The following GRIP2 variants were observed in gnomAD, a reference collection of about 807,000 sequenced individuals.
The protein encoded by GRIP2 is glutamate receptor interacting protein 2.
A neutral mutation model predicts 108.3 loss-of-function variants in GRIP2; 58 were observed. That is an observed-to-expected ratio of 0.54 (90% CI 0.43 to 0.67). The LOEUF (loss-of-function observed/expected upper bound fraction) is 0.67. GRIP2 is among the 30% of genes least tolerant of loss of function. The pLI, the probability that GRIP2 is intolerant of heterozygous loss-of-function variation, is 0.00. For missense variants in GRIP2, 1,278 were observed against 1,430.6 expected (o/e 0.89, Z 1.72); for synonymous variants, 586 against 598.2 (o/e 0.98, Z 0.30).
chr3:14,601,258 T>C, the GRIP2 span, among the ~76,000 whole-genome samples: 1 of 152,164 alleles, frequency 6.6e-6, no homozygotes, highest in South Asian at 2.1e-4. Flanking sequence ...CCCACCCCTT[T>C]AAAGAGGCAG....
At chr3:14,524,579 G>T in intron 3 of GRIP2, 41 bp from the exon 4 acceptor site, 1 of 1,540,824 alleles carries the variant, frequency 6.5e-7, no homozygotes, top group Non-Finnish European at 8.8e-7. Flanking sequence ...AACAGGTGCT[G>T]GCCCATGCAG....
At chr3:14,578,003 T>C in the GRIP2 span, among the ~76,000 whole-genome samples, 1 of 152,216 alleles carries the variant, frequency 6.6e-6, no homozygotes, top group Non-Finnish European at 1.5e-5. Flanking sequence ...TGGCTCAGCC[T>C]TCAGGCTGGT....
At chr3:14,577,772 G>A in the GRIP2 span, among the ~76,000 whole-genome samples, 1 of 152,088 alleles carries the variant, frequency 6.6e-6, no homozygotes, top group East Asian at 1.9e-4. Context: ...AGGTGCATGT[G>A]AGGCTGGGGG....
At chr3:14,500,341 C>T (rs1693732627) in intron 21 of GRIP2, among the ~76,000 whole-genome samples, 1 of 152,178 alleles carries the variant, frequency 6.6e-6, no homozygotes, top group Non-Finnish European at 1.5e-5. Flanking sequence ...AACACCATGA[C>T]TAGGAATTTT....
chr3:14,593,302 G>T, the GRIP2 span, among the ~76,000 whole-genome samples: 1 of 152,218 alleles, frequency 6.6e-6, no homozygotes, highest in Non-Finnish European at 1.5e-5. Context: ...AAGCCACTCC[G>T]ACTTTCCTCT....
chr3:14,510,385 C>T (rs1694054052), intron 16 of GRIP2, among the ~76,000 whole-genome samples: 1 of 151,816 alleles, frequency 6.6e-6, no homozygotes, highest in Non-Finnish European at 1.5e-5. Context: ...CCACCTCAGC[C>T]TCCCAAGTAT....
rs370154994 is a variant in GRIP2 at position 14,503,402 on chromosome 3, G to A, written c.2679+164C>T. 2.7e-4 allele frequency among the ~76,000 whole-genome samples: 41 copies of A among 152,370 alleles called. 1 individual carries two copies. The South Asian group carries it at 5.4e-3, about 20-fold the overall frequency. On this transcript the variant is annotated intron_variant, in intron 21 of 23. Transcript: ENST00000621039. ...TTGCACATGAATCCATGCACAGTCT[G>A]TACATATGTGAAGACACCTTTTCCC...
In GRIP2 at chr3:14,507,664, G is replaced by T; in HGVS notation, c.2115C>A (p.Ala705=). The change falls in exon 18 of 24, where the codon GCC becomes GCA. Residue 705 remains alanine (A), a synonymous_variant. Transcript: ENST00000621039. The surrounding 1 kb of genome is among the most constrained non-coding windows in gnomAD (Gnocchi z 4.6). ...GGCCCTTGAGGCTAACGTTGTTGAT[G>T]GCCAGAATGCGGTCCCCCACGTGGA... ...GAIHVGDRIL[A]INNVSLKGRP... 5 of 1,613,994 alleles carry T rather than the reference G, an allele frequency of 3.1e-6. No individual in the cohort carries two copies. Among genetic ancestry groups the T allele is most frequent in the Non-Finnish European group, 4.2e-6 (5 of 1,179,870 alleles).
Position 14,549,924 on chromosome 3 carries a change from A to G in GRIP2, c.55+5976T>C, listed in dbSNP as rs1695117657. Among the ~76,000 whole-genome samples the G allele has an allele frequency of 2.6e-5, 4 of 152,224 alleles. No homozygotes were observed. The South Asian group carries it at 8.3e-4, about 32-fold the overall frequency. On this transcript the variant is annotated intron_variant, in intron 1 of 23. Transcript: ENST00000637182. The stretch of plus-strand genomic sequence containing the variant: ...TCATGGTAGACTTGAATATTGAAAG[A>G]GAACCCTGGAGCTGTGGACCCACGG...
chr3:14,596,458 T>A, the GRIP2 span, among the ~76,000 whole-genome samples: 1 of 152,128 alleles, frequency 6.6e-6, no homozygotes, highest in Non-Finnish European at 1.5e-5. Flanking sequence ...CAGAAACCCA[T>A]AAGGCCCACA....
At chr3:14,580,231 C>T in the GRIP2 span, among the ~76,000 whole-genome samples, 2 of 152,296 alleles carry the variant, frequency 1.3e-5, no homozygotes, top group East Asian at 3.9e-4. Context: ...TCCTGGTGGC[C>T]CCAGAAGGTT....
chr3:14,556,009 C>G, exon 1 of GRIP2: 1 of 398,810 alleles, frequency 2.5e-6, no homozygotes, highest in Non-Finnish European at 4.4e-6. Flanking sequence ...GCCTCCCACG[C>G]CTGGAGCCGG....
Position 14,511,453 on chromosome 3 carries a change from A to G in GRIP2, c.1747T>C (p.Leu583=), listed in dbSNP as rs1694090677. The part of the protein sequence containing the change: ...SSASRKRGEP[L]IISDIKKGSV... ...CCTTTCTTGATGTCGGAGATGATCAAGGGCTCCCCTCGTTTCCTGCTGGCC... is the reference window on the plus strand; with the variant it reads ...CCTTTCTTGATGTCGGAGATGATCAGGGGCTCCCCTCGTTTCCTGCTGGCC... Residue 583 remains leucine (L), a synonymous_variant, in exon 15 of 24, where the codon TTG becomes CTG. Transcript: ENST00000621039. This position sits in a 1 kb window ranked among gnomAD's most constrained non-coding sequence, Gnocchi z 4.1. 1 of 1,613,712 alleles carries G rather than the reference A, an allele frequency of 6.2e-7. No homozygotes were observed.
chr3:14,532,650 G>T (rs1036281687), intron 1 of GRIP2, among the ~76,000 whole-genome samples: 1 of 151,908 alleles, frequency 6.6e-6, no homozygotes, highest in African/African-American at 2.4e-5. Context: ...CAGGGGTGGG[G>T]CTCAACCTGA....
At chr3:14,535,824 G>A (rs1012398024) in intron 1 of GRIP2, among the ~76,000 whole-genome samples, 1 of 152,210 alleles carries the variant, frequency 6.6e-6, no homozygotes, top group Non-Finnish European at 1.5e-5. Context: ...ATGCAAGCCT[G>A]GAAGTTGCTG....
chr3:14,526,027 C>A, intron 1 of GRIP2, 96 bp from the exon 2 acceptor site: 1 of 1,081,216 alleles, frequency 9.2e-7, no homozygotes, highest in Non-Finnish European at 1.4e-6. Context: ...GTGGACGTGG[C>A]CTGTAAGATG....
rs1200884354 is a variant in GRIP2, at chr3:14,491,570, C to T, written c.*2095G>A. ...AGGCCGGCATGGCTGGGAGGCCCAC[C>T]GCGGGCCTGATTGCATACTTTTGGG... On this transcript the variant is annotated 3_prime_UTR_variant, in exon 24 of 24. Coordinates refer to ENST00000621039, the MANE Select transcript of GRIP2 (RefSeq NM_001080423.4). 5 of 152,200 alleles carry T rather than the reference C, an allele frequency of 3.3e-5. No individual in the cohort carries two copies. The highest frequency in any genetic ancestry group is 2.1e-4 in the South Asian group (1 of 4,828). 9.4% of individuals were successfully genotyped at this position (152,200 alleles called of 1,614,324 possible). A position where few individuals can be genotyped will look rare whatever the true frequency, so the allele number is the denominator to read the frequency against.
chr3:14,525,540 T>C lies in GRIP2; in HGVS notation c.154A>G (p.Ile52Val), dbSNP rs773940208. The change falls in exon 3 of 24, where the codon ATC becomes GTC. Residue 52 changes from isoleucine (I) to valine (V), a missense_variant. By Grantham distance (29) the Ile-to-Val change is conservative. Coordinates refer to ENST00000621039, the MANE Select transcript of GRIP2 (RefSeq NM_001080423.4). ...CCCAGCGTGCTGCCTTCTTTCTTGATCAGCTCCACCACAGTGATCCCTCGG... is the reference window on the plus strand; with the variant it reads ...CCCAGCGTGCTGCCTTCTTTCTTGACCAGCTCCACCACAGTGATCCCTCGG... Reference protein sequence around the residue: ...EFRGITVVELIKKEGSTLGLT... With the variant: ...EFRGITVVELVKKEGSTLGLT... The C allele has an allele frequency of 8.7e-6, 14 of 1,613,744 alleles. No homozygotes were observed. Among genetic ancestry groups the C allele is most frequent in the African/African-American group, 1.3e-5 (1 of 74,918 alleles).
the GRIP2 span, among the ~76,000 whole-genome samples, chr3:14,563,473 G>A: frequency 6.6e-6 from 1 of 152,282 alleles, no homozygotes; most frequent in Admixed American, 6.5e-5. Context: ...GGGGGCTGGG[G>A]GAAGAGTGTG....
Sources: gnomAD v4.1 joint callset for allele counts (sites outside exome capture counted in the v4.1 genomes callset) on GRCh38, gnomAD v4.1.1 for gene constraint, Gnocchi (gnomAD v3.1) non-coding constraint, MANE v1.5 for transcripts, NCBI Gene and HGNC (gene_info 2026-07-23, HGNC 2026-07-21) for gene names.